Variants in JADE1 observed in about 807,000 individuals in gnomAD.
The protein encoded by JADE1 is protein Jade-1.
Under a neutral mutation model 81.8 loss-of-function variants are expected in JADE1, and 14 were observed. The ratio of observed to expected loss-of-function variants is 0.17; its 90% CI spans 0.11 to 0.27. The LOEUF (loss-of-function observed/expected upper bound fraction) is 0.27. Among genes scored for constraint, JADE1 ranks in the 10% least tolerant of loss-of-function variants. The pLI is 1.00. For missense variants in JADE1, 690 were observed against 1,047.9 expected (o/e 0.66, Z 4.71); for synonymous variants, 353 against 391.9 (o/e 0.90, Z 1.17).
chr4:128,849,117 A>G lies in JADE1; in HGVS notation c.434A>G (p.Asp145Gly). The change falls in exon 5 of 11, where the codon GAC (aspartate) becomes GGC (glycine). Residue 145 changes from aspartate (D) to glycine (G), a missense_variant. Physicochemically the swap from Asp to Gly is moderately conservative, Grantham distance 94. Around this residue, in one of 8 missense-constraint regions of JADE1, gnomAD observed 98 missense variants for 161.3 expected, o/e 0.61. Coordinates refer to ENST00000226319, the MANE Select transcript of JADE1 (RefSeq NM_199320.4). Reference sequence around the variant, plus strand: ...AGCGTGTGTCGCTATGACCTCAATGACATGGATGCTGCATGGCTGGAACTG... The same window carrying G: ...AGCGTGTGTCGCTATGACCTCAATGGCATGGATGCTGCATGGCTGGAACTG... ...ADSVCRYDLN[D>G]MDAAWLELTN... 6.2e-7 allele frequency: 1 copy of G among 1,614,018 alleles called. No individual in the cohort carries two copies. Among genetic ancestry groups the G allele is most frequent in the South Asian group, 1.1e-5 (1 of 91,074 alleles).
intron 2 of JADE1, among the ~76,000 whole-genome samples, chr4:128,840,692 A>G (rs1296489719): frequency 6.6e-6 from 1 of 152,114 alleles, no homozygotes; most frequent in Non-Finnish European, 1.5e-5. Context: ...TTTTTCCAGT[A>G]ATGACCAGAT....
At chr4:128,864,071 T>TTG in intron 9 of JADE1, 1 of 985,228 alleles carries the variant, frequency 1.0e-6, no homozygotes, top group Non-Finnish European at 1.2e-6. Context: ...AAATCAGGAT[T>TTG]TGTGTGTGTA....
intron 1 of JADE1, among the ~76,000 whole-genome samples, chr4:128,826,724 T>C (rs1728111828): frequency 6.6e-6 from 1 of 152,154 alleles, no homozygotes; most frequent in Non-Finnish European, 1.5e-5. Flanking sequence ...ATTTCATATT[T>C]GACTTGAGAG....
chr4:128,873,356 A>C lies in JADE1; in HGVS notation c.*1094A>C, dbSNP rs1732353045. On this transcript the variant is annotated 3_prime_UTR_variant, in exon 11 of 11. Transcript: ENST00000226319. ...TTTTAAAAACAATAGAAAGGCAATAAGTTGCGATAAGCTCTTACTATTGAC... is the reference window on the plus strand; with the variant it reads ...TTTTAAAAACAATAGAAAGGCAATACGTTGCGATAAGCTCTTACTATTGAC... 2 of 152,944 alleles carry C rather than the reference A, an allele frequency of 1.3e-5. No homozygotes were observed. Among genetic ancestry groups the C allele is most frequent in the South Asian group, 2.1e-4 (1 of 4,840 alleles). 9.5% of individuals were successfully genotyped at this position (152,944 alleles called of 1,614,324 possible).
chr4:128,868,067 A>G, intron 10 of JADE1, 94 bp downstream of exon 10: 1 of 654,082 alleles, frequency 1.5e-6, no homozygotes, highest in Non-Finnish European at 2.7e-6. Context: ...TAATTTTCTT[A>G]TAGAAGAATT....
At chr4:128,821,346 G>A (rs2125803110) in intron 1 of JADE1, among the ~76,000 whole-genome samples, 1 of 152,300 alleles carries the variant, frequency 6.6e-6, no homozygotes. Flanking sequence ...TGGGGGTGTG[G>A]AAAAGAATGA....
rs1198041271 is a variant in JADE1, at chr4:128,873,292, GAAA to G, written c.*1034_*1036del. 2 of 117,188 alleles carry G rather than the reference GAAA, an allele frequency of 1.7e-5. No homozygotes were observed. The highest frequency in any genetic ancestry group is 3.4e-5 in the African/African-American group (1 of 29,834). 7.3% of individuals were successfully genotyped at this position (117,188 alleles called of 1,614,324 possible). ...AAAAAAGAAAAAAAGAAAAAAAAAA[GAAA>G]AAAGAAAAAAAGAGAAAAAAGCGAA... is the stretch of plus-strand genomic sequence containing the variant. On this transcript the variant is annotated 3_prime_UTR_variant, in exon 11 of 11. Coordinates refer to ENST00000226319, the MANE Select transcript of JADE1 (RefSeq NM_199320.4).
At chr4:128,824,989 C>T (rs1480537623) in intron 1 of JADE1, among the ~76,000 whole-genome samples, 1 of 152,082 alleles carries the variant, frequency 6.6e-6, no homozygotes, top group Non-Finnish European at 1.5e-5. Context: ...GTCCTTGTTT[C>T]CCAGGAATAG....
At chr4:128,863,750 T>C in intron 9 of JADE1, 1 of 985,316 alleles carries the variant, frequency 1.0e-6, no homozygotes, top group Non-Finnish European at 1.2e-6. Context: ...AGAAAAGGAT[T>C]GAGAAGGATA....
intron 1 of JADE1, among the ~76,000 whole-genome samples, chr4:128,812,496 C>T (rs1726548580): frequency 6.6e-6 from 1 of 152,046 alleles, no homozygotes. Flanking sequence ...CTCACTCCGC[C>T]ACCCTCCCAC....
In JADE1 at chr4:128,872,009, GGCA is replaced by G; in HGVS notation, c.2284_2286del (p.Gln762del). 6.2e-7 allele frequency: 1 copy of G among 1,613,876 alleles called. No homozygotes were observed. The highest frequency in any genetic ancestry group is 8.5e-7 in the Non-Finnish European group (1 of 1,179,878). On this transcript the variant is annotated inframe_deletion, in exon 11 of 11. Transcript: ENST00000226319. ...TTCCGGATTCCAAAGAAGGGGGAACGGCAGCAGCAGGGAGAGGCCCACGATGGG... is the reference window on the plus strand; with the variant it reads ...TTCCGGATTCCAAAGAAGGGGGAACGGCAGCAGGGAGAGGCCCACGATGGG...
At chr4:128,820,602 A>G (rs1372063528) in intron 1 of JADE1, among the ~76,000 whole-genome samples, 1 of 152,252 alleles carries the variant, frequency 6.6e-6, no homozygotes, top group Admixed American at 6.5e-5. Context: ...TTGTTTTCAT[A>G]TGTAACTTGG....
At position 128,870,883 on chromosome 4, in the gene JADE1, G is replaced by A. The variant is rs145094289; in HGVS notation, c.1622-472G>A. ...CTTGTCCTCGTAATAGCCCTGTGAG[G>A]GTACAGACACATAGAGAAACTTACA... On this transcript the variant is annotated intron_variant, in intron 10 of 10. Transcript: ENST00000226319. Among the ~76,000 whole-genome samples the A allele has an allele frequency of 3.9e-5, 6 of 152,224 alleles. No individual in the cohort carries two copies. The East Asian group carries it at 7.7e-4, about 20-fold the overall frequency.
intron 1 of JADE1, among the ~76,000 whole-genome samples, chr4:128,819,476 G>GTCAA (rs897021213): frequency 1.3e-5 from 2 of 152,294 alleles, no homozygotes; most frequent in Non-Finnish European, 2.9e-5. Context: ...CTCCGGGGGG[G>GTCAA]TCAAGCTAAG....
chr4:128,871,786 C>T lies in JADE1; in HGVS notation c.2053C>T (p.Leu685Phe), dbSNP rs754145125. The T allele has an allele frequency of 9.9e-6, 16 of 1,614,086 alleles. No homozygotes were observed. The African/African-American group carries it at 2.0e-4, about 20-fold the overall frequency. ...ATCTTTTAAACAGAGTCACAAGCCT[C>T]TCAGGTCCACAGATGTGTCCCAGAG... Reference protein sequence around the residue: ...DKSFKQSHKPLRSTDVSQRHL... With the variant: ...DKSFKQSHKPFRSTDVSQRHL... Residue 685 changes from leucine (L) to phenylalanine (F), a missense_variant, in exon 11 of 11, where the codon CTC becomes TTC. This residue lies in a region of JADE1 where 218 missense variants were observed against 274.3 expected (regional missense o/e 0.79). Transcript: ENST00000226319. This position sits in a 1 kb window ranked among gnomAD's most constrained non-coding sequence, Gnocchi z 4.1.
At chr4:128,832,028 C>A (rs1728602374) in intron 2 of JADE1, among the ~76,000 whole-genome samples, 4 of 152,142 alleles carry the variant, frequency 2.6e-5, no homozygotes, top group Admixed American at 2.6e-4. Flanking sequence ...CCTGAGGCTT[C>A]CTATTTGTTA....
chr4:128,838,227 C>T (rs1459298061), intron 2 of JADE1, among the ~76,000 whole-genome samples: 2 of 152,154 alleles, frequency 1.3e-5, no homozygotes, highest in African/African-American at 4.8e-5. Flanking sequence ...ATATTAAAAA[C>T]AAGACAATGT....
chr4:128,832,234 T>G (rs1728619271), intron 2 of JADE1, among the ~76,000 whole-genome samples: 1 of 152,256 alleles, frequency 6.6e-6, no homozygotes, highest in South Asian at 2.1e-4. Context: ...GTACAGGTTC[T>G]TAATAGGTCG....
At chr4:128,862,516 C>T in intron 9 of JADE1, 1 of 1,257,664 alleles carries the variant, frequency 8.0e-7, no homozygotes, top group Non-Finnish European at 1.0e-6. Flanking sequence ...TTCCCCACCC[C>T]CATTCCTTCA....
Sources: allele counts gnomAD v4.1 joint callset (sites outside exome capture counted in the v4.1 genomes callset), GRCh38; gene constraint gnomAD v4.1.1; regional missense constraint gnomAD v4.1.1; non-coding constraint Gnocchi (gnomAD v3.1); transcripts MANE v1.5; gene names NCBI Gene and HGNC (gene_info 2026-07-23, HGNC 2026-07-21).